Variants in CSAD observed in about 807,000 individuals in gnomAD.
The protein encoded by CSAD is cysteine sulfinic acid decarboxylase.
In CSAD, 47 loss-of-function variants were observed where a neutral mutation model predicts 61.5. The ratio of observed to expected loss-of-function variants is 0.76; its 90% CI spans 0.60 to 0.97. The LOEUF is 0.97. CSAD is among the 50% of genes least tolerant of loss of function. The pLI is 0.00. For missense variants in CSAD, 611 were observed against 643.6 expected, an observed-to-expected ratio of 0.95 and a Z score of 0.55; for synonymous variants, 245 against 252.7, an observed-to-expected ratio of 0.97 and a Z score of 0.29.
At chr12:53,177,849 C>A in intron 2 of CSAD, 1 of 152,684 alleles carries the variant, frequency 6.5e-6, no homozygotes, top group Non-Finnish European at 1.5e-5. Context: ...CATGTTGGCC[C>A]AGCTGGTCTC....
intron 10 of CSAD, among the ~76,000 whole-genome samples, chr12:53,165,156 G>A (rs1410667690): frequency 2.0e-5 from 3 of 152,046 alleles, no homozygotes; most frequent in African/African-American, 4.8e-5. Context: ...TGGAATTTTG[G>A]TAGAGATGTG....
chr12:53,170,481 C>A lies in CSAD; in HGVS notation c.589G>T (p.Gly197Ter). ...GTGCCAAGTCCCAGAAACGCAGCTC[C>A]CTTCTGGATGGAGTAGTGACACTGT... ...SKECHYSIQK[G>*]AAFLGLGTDS... is the part of the protein sequence containing the mutation. The change falls in exon 9 of 17, where the codon GGA becomes TGA. Residue 197 changes from glycine to a stop codon, truncating the protein, a stop_gained. Coordinates refer to ENST00000444623, the MANE Select transcript of CSAD (RefSeq NM_001244705.2). LOFTEE classifies it high-confidence loss of function. The A allele has an allele frequency of 1.2e-6, 2 of 1,614,092 alleles. No individual in the cohort carries two copies. The highest frequency in any genetic ancestry group is 1.7e-6 in the Non-Finnish European group (2 of 1,179,998).
At chr12:53,162,395 C>G (rs1161665459) in intron 10 of CSAD, among the ~76,000 whole-genome samples, 2 of 151,290 alleles carry the variant, frequency 1.3e-5, no homozygotes, top group African/African-American at 4.9e-5. Context: ...TGGTGAAACC[C>G]TGTCTCTCCT....
At chr12:53,172,030 G>C (rs776218194) in intron 6 of CSAD, 42 bp from the exon 7 acceptor site, 1 of 1,418,884 alleles carries the variant, frequency 7.0e-7, no homozygotes, top group Non-Finnish European at 1.0e-6. Context: ...GATGGGGAGG[G>C]ACTGCCCAGA....
In CSAD at chr12:53,160,314, C is replaced by T. The variant is rs1939130780; in HGVS notation, c.972G>A (p.Leu324=). The T allele has an allele frequency of 6.2e-7, 1 of 1,614,036 alleles. No homozygotes were observed. Among genetic ancestry groups the T allele is most frequent in the Non-Finnish European group, 8.5e-7 (1 of 1,180,040 alleles). Residue 324 remains leucine (L), a synonymous_variant, in exon 14 of 17, where the codon CTG becomes CTA. Coordinates refer to ENST00000444623, the MANE Select transcript of CSAD (RefSeq NM_001244705.2). ...SALLLQDTSN[L]LKRCHGSQAS... is the part of the protein sequence containing the mutation. ...CCTGGGACCCATGGCAGCGCTTGAG[C>T]AGGTTCTGTGTGGGGGTGAGGAGAT...
chr12:53,178,332 A>G lies in CSAD; in HGVS notation c.-50+770T>C, dbSNP rs760242499. On this transcript the variant is annotated intron_variant, in intron 2 of 16. Transcript: ENST00000444623. Reference sequence around the variant, plus strand: ...TACAAAAAACAAAAAAACAAAAAAAAAACTACAAAATTATCCAGGCACAGT... The same window carrying G: ...TACAAAAAACAAAAAAACAAAAAAAGAACTACAAAATTATCCAGGCACAGT... 30 of 453,568 alleles carry G rather than the reference A, an allele frequency of 6.6e-5. No homozygotes were observed. In the Admixed American group the frequency reaches 7.2e-4, roughly 11 times the overall value. The allele number at this position is 453,568 out of a possible 1,614,324, so 28.1% of individuals were successfully genotyped here.
At chr12:53,180,351 C>T (rs2121525926) in intron 1 of CSAD, 1 of 985,282 alleles carries the variant, frequency 1.0e-6, no homozygotes, top group East Asian at 1.1e-4. Context: ...GCAGGACGTC[C>T]GCGAGGAAGA....
upstream of CSAD, chr12:53,180,994 C>A: frequency 1.2e-6 from 1 of 822,838 alleles, no homozygotes; most frequent in South Asian, 2.5e-5. Flanking sequence ...GGGGAAAGGC[C>A]GTGCGCGCAC....
intron 2 of CSAD, chr12:53,174,004 A>G (rs1030604312): frequency 6.6e-5 from 35 of 528,168 alleles, no homozygotes; most frequent in African/African-American, 3.1e-4. Flanking sequence ...TGGCCATTTC[A>G]TGTAAAACGG....
chr12:53,163,000 G>C (rs1200686632), intron 10 of CSAD, among the ~76,000 whole-genome samples: 9 of 151,720 alleles, frequency 5.9e-5, no homozygotes, highest in Non-Finnish European at 1.2e-4. Flanking sequence ...GGCGGAGGTT[G>C]CTGTGAGCCA....
chr12:53,158,583 G>A lies in CSAD; in HGVS notation c.1410C>T (p.Ala470=), dbSNP rs376835816. 3.2e-5 allele frequency: 51 copies of A among 1,613,024 alleles called. No homozygotes were observed. Among genetic ancestry groups the A allele is most frequent in the Middle Eastern group, 1.6e-4 (1 of 6,082 alleles). ...TRGNFFRVVV[A]NSALTCADMD... ...TATCAGCACAGGTCAGTGCAGAGTT[G>A]GCCACAACCACACGGAAGAAGTTGC... Residue 470 remains alanine (A), a synonymous_variant, in exon 17 of 17, where the codon GCC becomes GCT. Coordinates refer to ENST00000444623, the MANE Select transcript of CSAD (RefSeq NM_001244705.2).
At chr12:53,167,395 G>A (rs1940064839) in intron 10 of CSAD, among the ~76,000 whole-genome samples, 1 of 152,142 alleles carries the variant, frequency 6.6e-6, no homozygotes, top group South Asian at 2.1e-4. Context: ...CCCTTCTGAG[G>A]GAAGCCTTCC....
At chr12:53,159,841 A>C in intron 15 of CSAD, 46 bp downstream of exon 15, 1 of 1,564,002 alleles carries the variant, frequency 6.4e-7, no homozygotes, top group Non-Finnish European at 8.7e-7. Context: ...GGGGCTGCAA[A>C]AGAGCTAGGC....
intron 10 of CSAD, among the ~76,000 whole-genome samples, chr12:53,165,782 A>C (rs908825177): frequency 6.6e-6 from 1 of 152,196 alleles, no homozygotes; most frequent in East Asian, 1.9e-4. Context: ...AGAAAACAGT[A>C]TGGCAGTTCC....
chr12:53,172,232 A>G, intron 6 of CSAD, 114 bp downstream of exon 6: 1 of 1,031,284 alleles, frequency 9.7e-7, no homozygotes, highest in Non-Finnish European at 1.5e-6. Context: ...GCCGACAGGG[A>G]TTCCCAGAAG....
rs985919101 is a variant in CSAD, at chr12:53,179,909, C to A, written c.-90-767G>T. 4.4e-6 allele frequency: 7 copies of A among 1,605,348 alleles called. No individual in the cohort carries two copies. The African/African-American group carries it at 9.4e-5, about 22-fold the overall frequency. On this transcript the variant is annotated intron_variant, in intron 1 of 16. Coordinates refer to ENST00000444623, the MANE Select transcript of CSAD (RefSeq NM_001244705.2). ...TTGAAGACAGTCTGGTTTCCATTTT[C>A]CTAATGCAGCCTGGCCCAAGAGCCA...
At position 53,170,060 on chromosome 12, in the gene CSAD, T is replaced by C. The variant is rs1295417473; in HGVS notation, c.702+12A>G. 6.2e-7 allele frequency: 1 copy of C among 1,613,030 alleles called. No individual in the cohort carries two copies. The highest frequency in any genetic ancestry group is 2.2e-5 in the East Asian group (1 of 44,878). On this transcript the variant is annotated intron_variant, in intron 10 of 16. Coordinates refer to ENST00000444623, the MANE Select transcript of CSAD (RefSeq NM_001244705.2). ...GGAGGCTATATCACCCCAGCGAGCC[T>C]CACTGACTCACCTCAGCCTCGGCCA...
rs1167763223 is a variant in CSAD at position 53,157,909 on chromosome 12, T to C, written c.*602A>G. On this transcript the variant is annotated 3_prime_UTR_variant, in exon 17 of 17. Coordinates refer to ENST00000444623, the MANE Select transcript of CSAD (RefSeq NM_001244705.2). The stretch of plus-strand genomic sequence containing the variant: ...TTTGAACACAGCTCAAATATTACTC[T>C]ATATAAAGACTTGTATTCAGCTTTT... 1.3e-5 allele frequency: 2 copies of C among 152,168 alleles called. No individual in the cohort carries two copies. The highest frequency in any genetic ancestry group is 6.5e-5 in the Admixed American group (1 of 15,280). The allele number at this position is 152,168 out of a possible 1,614,324, so 9.4% of individuals were successfully genotyped here.
At chr12:53,165,662 C>CAAA (rs540475159) in intron 10 of CSAD, among the ~76,000 whole-genome samples, 25 of 46,212 alleles carry the variant, frequency 5.4e-4, no homozygotes, top group Admixed American at 9.4e-4. Flanking sequence ...GACTCCATCT[C>CAAA]AAAAAAAAAA....
Sources: gnomAD v4.1 joint callset for allele counts (sites outside exome capture counted in the v4.1 genomes callset) on GRCh38, gnomAD v4.1.1 for gene constraint, MANE v1.5 for transcripts, NCBI Gene and HGNC (gene_info 2026-07-23, HGNC 2026-07-21) for gene names.